The following EWSR1 variants were observed in gnomAD, a reference collection of about 807,000 sequenced individuals.
The protein encoded by EWSR1 is EWS RNA binding protein 1, also known as RNA-binding protein EWS.
Under a neutral mutation model 92.1 loss-of-function variants are expected in EWSR1, and 14 were observed. The observed-to-expected ratio is 0.15, with a 90% CI of 0.10 to 0.24. EWSR1 has a LOEUF of 0.24. Ranked by LOEUF, EWSR1 falls within the 10% of genes least tolerant of loss-of-function variation. The probability of loss-of-function intolerance (pLI) is 1.00; values close to 1 mark genes in which losing one functional copy is unlikely to be tolerated. For synonymous variants in EWSR1, 303 were observed against 292.9 expected, an observed-to-expected ratio of 1.03 and a Z score of -0.35; for missense variants, 637 against 870.9, an observed-to-expected ratio of 0.73 and a Z score of 3.38.
intron 1 of EWSR1, among the ~76,000 whole-genome samples, chr22:29,270,710 C>T (rs1469087437): frequency 6.6e-6 from 1 of 152,134 alleles, no homozygotes; most frequent in Admixed American, 6.5e-5. Flanking sequence ...ACAATCACTT[C>T]TCAAGCAAAG....
chr22:29,278,614 G>C (rs1022292117), intron 5 of EWSR1, among the ~76,000 whole-genome samples: 5 of 152,156 alleles, frequency 3.3e-5, no homozygotes, highest in Non-Finnish European at 5.9e-5. Flanking sequence ...CACAAGGTCA[G>C]GAGATCGAGA....
At chr22:29,282,661 C>T in intron 6 of EWSR1, 104 bp downstream of exon 6, 2 of 940,216 alleles carry the variant, frequency 2.1e-6, no homozygotes, top group East Asian at 3.0e-5. Flanking sequence ...TGTTATCTGA[C>T]TGTCGCAGTG....
chr22:29,298,601 C>G (rs572870560), intron 13 of EWSR1, 132 bp from the exon 14 acceptor site: 4 of 1,139,626 alleles, frequency 3.5e-6, no homozygotes, highest in African/African-American at 3.0e-5. Context: ...CTGAGCCACA[C>G]GGAAACACGG....
intron 6 of EWSR1, 33 bp downstream of exon 6, chr22:29,282,590 G>C: frequency 6.7e-7 from 1 of 1,488,662 alleles, no homozygotes; most frequent in South Asian, 1.4e-5. Flanking sequence ...AACAAAAACA[G>C]TGACAAAACA....
At chr22:29,287,777 A>G (rs1262208806) in intron 7 of EWSR1, among the ~76,000 whole-genome samples, 6 of 152,218 alleles carry the variant, frequency 3.9e-5, no homozygotes, top group Non-Finnish European at 2.9e-5. Context: ...TGGCCTCCCT[A>G]TCAGTCATTA....
chr22:29,277,947 G>T, intron 4 of EWSR1, 83 bp from the exon 5 acceptor site: 1 of 1,229,708 alleles, frequency 8.1e-7, no homozygotes, highest in Non-Finnish European at 1.1e-6. Flanking sequence ...TAAAGTAAGT[G>T]GTTTACAAAT....
At position 29,274,028 on chromosome 22, in the gene EWSR1, T is replaced by C. The variant is rs146717512; in HGVS notation, c.226+164T>C. Among the ~76,000 whole-genome samples the C allele has an allele frequency of 2.0e-4, 30 of 152,332 alleles. No individual in the cohort carries two copies. In the East Asian group the frequency reaches 5.2e-3, roughly 26 times the overall value. On this transcript the variant is annotated intron_variant, in intron 4 of 16. Coordinates refer to ENST00000397938, the MANE Select transcript of EWSR1 (RefSeq NM_005243.4). ...TTTTTCTCTTTCTTCCCTACTCTTA[T>C]AGTCTTGAGAGATCTCCAATAGAAT...
chr22:29,272,063 G>A (rs2058723448), intron 1 of EWSR1, among the ~76,000 whole-genome samples, 153 bp from the exon 2 acceptor site: 1 of 152,120 alleles, frequency 6.6e-6, no homozygotes, highest in African/African-American at 2.4e-5. Flanking sequence ...TCTGTTAGAT[G>A]TTGAGAGGTA....
intron 1 of EWSR1, 60 bp downstream of exon 1, chr22:29,268,409 G>T (rs1196881086): frequency 1.2e-6 from 2 of 1,613,532 alleles, no homozygotes; most frequent in African/African-American, 2.7e-5. Flanking sequence ...ACTGGGGGTC[G>T]TTCGTCTCTG....
rs2059687021 is a variant in EWSR1 at position 29,282,538 on chromosome 22, C to T, written c.562C>T (p.Pro188Ser). 2 of 1,525,848 alleles carry T rather than the reference C, an allele frequency of 1.3e-6. No homozygotes were observed. The highest frequency in any genetic ancestry group is 2.5e-5 in the East Asian group (1 of 40,350). The allele number at this position is 1,525,848 out of a possible 1,614,324, so 94.5% of individuals were successfully genotyped here. A position where few individuals can be genotyped will look rare whatever the true frequency, so the allele number is the denominator to read the frequency against. ...CCCCATGCAGCCAGTCACTGCACCT[C>T]CATCCTACCCTCCTACCAGGTCAGT... ...SYPMQPVTAPPSYPPTSYSST... is the reference protein window; with the variant it reads ...SYPMQPVTAPSSYPPTSYSST... The change falls in exon 6 of 17, where the codon CCA becomes TCA. Residue 188 changes from proline to serine, a missense_variant. Pro to Ser is a moderately conservative substitution (Grantham distance 74). Around this residue, in one of 5 missense-constraint regions of EWSR1, gnomAD observed 116 missense variants for 167.8 expected, o/e 0.69. Coordinates refer to ENST00000397938, the MANE Select transcript of EWSR1 (RefSeq NM_005243.4).
At chr22:29,274,229 G>T (rs1336133162) in intron 4 of EWSR1, 16 of 1,611,908 alleles carry the variant, frequency 9.9e-6, no homozygotes, top group Non-Finnish European at 1.1e-5. Context: ...TCATCTGATA[G>T]TGTACCCTCT....
At chr22:29,272,149 C>T in intron 1 of EWSR1, 67 bp from the exon 2 acceptor site, 2 of 1,423,322 alleles carry the variant, frequency 1.4e-6, no homozygotes, top group Non-Finnish European at 2.0e-6. Flanking sequence ...TGAATTCTTT[C>T]CCCCTTTTTT....
Position 29,296,259 on chromosome 22 carries a change from A to G in EWSR1, c.1185A>G (p.Gln395=). The part of the protein sequence containing the change: ...GVVKMNKRTG[Q]PMIHIYLDKE... Reference sequence around the variant, plus strand: ...TCTAGATGAACAAGAGAACTGGGCAACCCATGATCCACATCTACCTGGACA... The same window carrying G: ...TCTAGATGAACAAGAGAACTGGGCAGCCCATGATCCACATCTACCTGGACA... The change falls in exon 12 of 17, where the codon CAA becomes CAG. Residue 395 remains glutamine, a synonymous_variant. Coordinates refer to ENST00000397938, the MANE Select transcript of EWSR1 (RefSeq NM_005243.4). 1 of 1,614,114 alleles carries G rather than the reference A, an allele frequency of 6.2e-7. No homozygotes were observed. Among genetic ancestry groups the G allele is most frequent in the Non-Finnish European group, 8.5e-7 (1 of 1,180,006 alleles).
chr22:29,294,390 A>C (rs1313654076), intron 11 of EWSR1, among the ~76,000 whole-genome samples: 1 of 151,548 alleles, frequency 6.6e-6, no homozygotes, highest in African/African-American at 2.4e-5. Flanking sequence ...GTGGATCACG[A>C]GGTCAGGAGA....
chr22:29,295,987 A>G, intron 11 of EWSR1: 1 of 372,144 alleles, frequency 2.7e-6, no homozygotes, highest in South Asian at 4.0e-5. Context: ...AACCAGCATC[A>G]GAAGATGGCT....
chr22:29,296,118 C>T, intron 11 of EWSR1, 121 bp from the exon 12 acceptor site: 9 of 952,154 alleles, frequency 9.5e-6, no homozygotes, highest in South Asian at 1.8e-5. Context: ...AGCGGAGAAA[C>T]GGTGACATTT....
intron 4 of EWSR1, chr22:29,275,771 A>G (rs750621986): frequency 3.0e-5 from 7 of 229,952 alleles, no homozygotes; most frequent in Non-Finnish European, 6.0e-5. Flanking sequence ...AAGGGGTTAT[A>G]TAAACCTCAA....
At position 29,278,181 on chromosome 22, in the gene EWSR1, C is replaced by T; in HGVS notation, c.378C>T (p.Ala126=). 3.1e-6 allele frequency: 5 copies of T among 1,614,096 alleles called. No individual in the cohort carries two copies. Among genetic ancestry groups the T allele is most frequent in the Non-Finnish European group, 4.2e-6 (5 of 1,180,000 alleles). Residue 126 remains alanine (A), a synonymous_variant, in exon 5 of 17, where the codon GCC becomes GCT. Transcript: ENST00000397938. The part of the protein sequence containing the change: ...SAYGTQPAYP[A]YGQQPAATAP... ...ATGGCACTCAGCCTGCTTATCCAGCCTATGGGCAGCAGCCAGCAGCCACTG... is the reference window on the plus strand; with the variant it reads ...ATGGCACTCAGCCTGCTTATCCAGCTTATGGGCAGCAGCCAGCAGCCACTG...
rs761190094 is a variant in EWSR1, at chr22:29,273,876, C to G, written c.226+12C>G. The G allele has an allele frequency of 6.2e-7, 1 of 1,612,626 alleles. No homozygotes were observed. Among genetic ancestry groups the G allele is most frequent in the Non-Finnish European group, 8.5e-7 (1 of 1,179,488 alleles). On this transcript the variant is annotated intron_variant, in intron 4 of 16. Transcript: ENST00000397938. ...ACAGCCTCCCACTGGTAAGGCCTGC[C>G]TTGGAGAGATTTTTGGGTCGTTCTG...
Sources: gnomAD v4.1 joint callset for allele counts (sites outside exome capture counted in the v4.1 genomes callset) on GRCh38, gnomAD v4.1.1 for gene constraint, gnomAD v4.1.1 regional missense constraint, MANE v1.5 for transcripts, NCBI Gene and HGNC (gene_info 2026-07-23, HGNC 2026-07-21) for gene names.